LRRC72: variants seen among roughly 807,000 people sequenced by gnomAD.
LRRC72 encodes leucine-rich repeat-containing protein 72.
In LRRC72, 41 loss-of-function variants were observed where a neutral mutation model predicts 35.8. That is an observed-to-expected ratio of 1.15 (90% confidence interval 0.89 to 1.49). The LOEUF is 1.49. LRRC72 is among the 40% of genes most tolerant of loss of function. LRRC72 has a pLI of 0.00. For missense variants in LRRC72, 389 were observed against 330.7 expected (o/e 1.18, Z -1.37); for synonymous variants, 118 against 119.2 (o/e 0.99, Z 0.07).
chr7:16,566,891 GCA>G (rs141915405), intron 6 of LRRC72, among the ~76,000 whole-genome samples: 1 of 151,432 alleles, frequency 6.6e-6, no homozygotes, highest in Non-Finnish European at 1.5e-5. Flanking sequence ...TAAGCCACAT[GCA>G]CACACACACA....
At chr7:16,561,512 G>A (rs1782743692) in intron 5 of LRRC72, among the ~76,000 whole-genome samples, 1 of 152,136 alleles carries the variant, frequency 6.6e-6, no homozygotes, top group Non-Finnish European at 1.5e-5. Context: ...TGAGGAGTGG[G>A]AATTTTCTAG....
intron 3 of LRRC72, among the ~76,000 whole-genome samples, chr7:16,547,820 C>A (rs1347614247): frequency 1.3e-5 from 2 of 152,222 alleles, no homozygotes; most frequent in African/African-American, 4.8e-5. Flanking sequence ...TGCCCCTTGG[C>A]ATGAACAACC....
chr7:16,543,350 G>A (rs923743927), intron 3 of LRRC72, among the ~76,000 whole-genome samples: 2 of 152,148 alleles, frequency 1.3e-5, no homozygotes, highest in Non-Finnish European at 2.9e-5. Flanking sequence ...TCTGACATTA[G>A]TGAATATTTT....
intron 3 of LRRC72, among the ~76,000 whole-genome samples, chr7:16,547,201 C>T (rs1056294038): frequency 6.6e-6 from 1 of 152,180 alleles, no homozygotes; most frequent in Non-Finnish European, 1.5e-5. Flanking sequence ...TGGAAAGGCC[C>T]TGGAGCCCAC....
intron 6 of LRRC72, 93 bp downstream of exon 6, chr7:16,566,495 T>C (rs1028903970): frequency 1.5e-6 from 1 of 646,864 alleles, no homozygotes; most frequent in Non-Finnish European, 2.5e-6. Context: ...AAATATGTCT[T>C]TGTAAAAAAT....
chr7:16,526,839 C>A lies in LRRC72; in HGVS notation c.-114C>A. ...GACTGGCTTTTAGTCAACGGGAATGCGGTAACTGTTGGTAACAGAACAACG... is the reference window on the plus strand; with the variant it reads ...GACTGGCTTTTAGTCAACGGGAATGAGGTAACTGTTGGTAACAGAACAACG... On this transcript the variant is annotated 5_prime_UTR_variant, in exon 1 of 9. Transcript: ENST00000401542. The A allele has an allele frequency of 2.5e-6, 2 of 809,966 alleles. No homozygotes were observed. Among genetic ancestry groups the A allele is most frequent in the South Asian group, 1.5e-5 (1 of 65,586 alleles). The allele number at this position is 809,966 out of a possible 1,614,324, so 50.2% of individuals were successfully genotyped here. A position where few individuals can be genotyped will look rare whatever the true frequency, so the allele number is the denominator to read the frequency against.
At chr7:16,542,945 T>C (rs1356701090) in intron 3 of LRRC72, among the ~76,000 whole-genome samples, 1 of 152,188 alleles carries the variant, frequency 6.6e-6, no homozygotes. Context: ...TTAGTCCGTG[T>C]AGTACTGAAA....
chr7:16,551,714 C>G (rs1782552698), intron 3 of LRRC72, among the ~76,000 whole-genome samples: 1 of 152,010 alleles, frequency 6.6e-6, no homozygotes, highest in Non-Finnish European at 1.5e-5. Flanking sequence ...ATCCCTTCCC[C>G]CATACCTTGC....
intron 2 of LRRC72, among the ~76,000 whole-genome samples, chr7:16,534,064 A>G (rs534739026): frequency 7.2e-5 from 11 of 152,322 alleles, no homozygotes; most frequent in Middle Eastern, 6.8e-3. Context: ...TTTTAAGGAC[A>G]CTAAGTTACC....
rs543499135 is a variant in LRRC72, at chr7:16,578,110, T to C, written c.671-1964T>C. Among the ~76,000 whole-genome samples the C allele has an allele frequency of 1.2e-4, 18 of 152,270 alleles. No individual in the cohort carries two copies. The East Asian group carries it at 3.5e-3, about 29-fold the overall frequency. On this transcript the variant is annotated intron_variant, in intron 7 of 8. Coordinates refer to ENST00000401542, the MANE Select transcript of LRRC72 (RefSeq NM_001195280.2). ...GCAACATTTTTTATAATAGCAAAAG[T>C]AGTAGAAACAATTTAAATGGTCATT...
chr7:16,554,917 G>A (rs994563061), intron 3 of LRRC72, among the ~76,000 whole-genome samples: 1 of 152,236 alleles, frequency 6.6e-6, no homozygotes, highest in African/African-American at 2.4e-5. Context: ...GTAACTGGAA[G>A]AAGAGAGAGG....
chr7:16,535,012 A>T (rs1457169062), intron 2 of LRRC72, among the ~76,000 whole-genome samples: 1 of 152,156 alleles, frequency 6.6e-6, no homozygotes. Context: ...AGCCTGGGCA[A>T]CATATGAAAC....
intron 1 of LRRC72, among the ~76,000 whole-genome samples, chr7:16,528,694 C>A (rs1459258727): frequency 1.3e-5 from 2 of 152,124 alleles, no homozygotes. Context: ...CACACCAGGC[C>A]CCCATACACA....
intron 2 of LRRC72, among the ~76,000 whole-genome samples, chr7:16,535,588 T>C (rs1000899139): frequency 1.3e-5 from 2 of 152,186 alleles, no homozygotes; most frequent in East Asian, 3.9e-4. Context: ...TCTCAGATAT[T>C]TGCCTCATGT....
At chr7:16,552,325 T>C (rs1304135945) in intron 3 of LRRC72, among the ~76,000 whole-genome samples, 1 of 152,182 alleles carries the variant, frequency 6.6e-6, no homozygotes, top group Non-Finnish European at 1.5e-5. Context: ...ATGGCTAATA[T>C]ATTAATCTTT....
intron 3 of LRRC72, among the ~76,000 whole-genome samples, chr7:16,540,468 T>C (rs1782338070): frequency 6.6e-6 from 1 of 152,336 alleles, no homozygotes; most frequent in East Asian, 1.9e-4. Context: ...TTTGGGTTAA[T>C]GCTGGAATGA....
intron 8 of LRRC72, among the ~76,000 whole-genome samples, chr7:16,580,368 C>T (rs562833671): frequency 3.3e-5 from 5 of 152,316 alleles, no homozygotes; most frequent in South Asian, 4.1e-4. Context: ...CCTCGCCAGG[C>T]GCAGTGGCTC....
At chr7:16,577,576 T>C (rs1455952390) in intron 7 of LRRC72, among the ~76,000 whole-genome samples, 1 of 152,154 alleles carries the variant, frequency 6.6e-6, no homozygotes, top group Non-Finnish European at 1.5e-5. Flanking sequence ...TATGTACAAC[T>C]AGTATGTATC....
chr7:16,542,528 T>C (rs1425452164), intron 3 of LRRC72, among the ~76,000 whole-genome samples: 1 of 152,174 alleles, frequency 6.6e-6, no homozygotes, highest in African/African-American at 2.4e-5. Flanking sequence ...TTATGCATTT[T>C]AGGGAGAGGA....
Sources: allele counts gnomAD v4.1 joint callset (sites outside exome capture counted in the v4.1 genomes callset), GRCh38; gene constraint gnomAD v4.1.1; transcripts MANE v1.5; gene names NCBI Gene and HGNC (gene_info 2026-07-23, HGNC 2026-07-21).